Variants in AGBL4 observed in about 807,000 individuals in gnomAD.
AGBL4 encodes the protein AGBL carboxypeptidase 4.
In AGBL4, 58 loss-of-function variants were observed where a neutral mutation model predicts 66.4. The observed-to-expected ratio is 0.87, with a 90% CI of 0.71 to 1.09. The LOEUF is 1.09. Among genes scored for constraint, AGBL4 ranks in the 50% least tolerant of loss-of-function variants. AGBL4 has a pLI of 0.00. For missense variants in AGBL4, 579 were observed against 631.0 expected, an observed-to-expected ratio of 0.92 and a Z score of 0.88; for synonymous variants, 234 against 222.9, an observed-to-expected ratio of 1.05 and a Z score of -0.44.
At chr1:49,337,493 G>C (rs1645460345) in intron 3 of AGBL4, among the ~76,000 whole-genome samples, 1 of 152,176 alleles carries the variant, frequency 6.6e-6, no homozygotes, top group Admixed American at 6.5e-5. Context: ...AGGATTGTCA[G>C]TTAACAGATG....
intron 2 of AGBL4, among the ~76,000 whole-genome samples, chr1:49,848,424 G>C (rs780818938): frequency 1.3e-5 from 2 of 152,174 alleles, no homozygotes; most frequent in Non-Finnish European, 2.9e-5. Flanking sequence ...CAGCCTAAAT[G>C]TCACTCAATG....
At chr1:49,564,994 T>C (rs4926818) in intron 3 of AGBL4, among the ~76,000 whole-genome samples, 77,193 of 149,284 alleles carry the variant, frequency 0.52, 20,949 homozygotes, top group Non-Finnish European at 0.61. Flanking sequence ...GGTGCTCCTG[T>C]ATTGGGTGCA....
At chr1:49,125,922 A>T (rs1268890635) in intron 4 of AGBL4, among the ~76,000 whole-genome samples, 1 of 152,148 alleles carries the variant, frequency 6.6e-6, no homozygotes, top group African/African-American at 2.4e-5. Context: ...ATTCATTTTC[A>T]TTGGAAAACA....
chr1:48,982,845 A>G (rs1163763741), intron 5 of AGBL4, among the ~76,000 whole-genome samples: 1 of 152,094 alleles, frequency 6.6e-6, no homozygotes, highest in African/African-American at 2.4e-5. Context: ...CTATTTCTCC[A>G]TATCCTCTCC....
chr1:49,247,371 A>C (rs980781911), intron 3 of AGBL4, among the ~76,000 whole-genome samples: 1 of 152,024 alleles, frequency 6.6e-6, no homozygotes, highest in African/African-American at 2.4e-5. Context: ...GAGACCAGCC[A>C]TTTACCGCAT....
chr1:49,128,484 G>A (rs1480274163), intron 4 of AGBL4, among the ~76,000 whole-genome samples: 1 of 151,974 alleles, frequency 6.6e-6, no homozygotes, highest in East Asian at 1.9e-4. Flanking sequence ...TCAAGAATGT[G>A]CAAAATTGGT....
intron 3 of AGBL4, among the ~76,000 whole-genome samples, chr1:49,611,156 T>C (rs1216920242): frequency 6.6e-6 from 1 of 152,026 alleles, no homozygotes; most frequent in African/African-American, 2.4e-5. Context: ...AATCTCAAAC[T>C]CATTCTTTTC....
At chr1:49,895,801 AAAAG>A (rs1483411624) in intron 1 of AGBL4, among the ~76,000 whole-genome samples, 3 of 151,962 alleles carry the variant, frequency 2.0e-5, no homozygotes, top group African/African-American at 4.8e-5. Flanking sequence ...ACAGCAAGGA[AAAAG>A]AAAGGAAAAG....
At chr1:49,381,991 TATA>T (rs1644625218) in intron 3 of AGBL4, among the ~76,000 whole-genome samples, 2 of 151,600 alleles carry the variant, frequency 1.3e-5, no homozygotes, top group Non-Finnish European at 1.5e-5. Flanking sequence ...AAACTTAAAG[TATA>T]ATAATAATAA....
intron 6 of AGBL4, among the ~76,000 whole-genome samples, chr1:48,732,358 G>T (rs1370226383): frequency 6.6e-6 from 1 of 152,100 alleles, no homozygotes; most frequent in Non-Finnish European, 1.5e-5. Context: ...TACAGATTTG[G>T]GAATCATCAT....
chr1:49,715,009 C>T (rs192281947), intron 2 of AGBL4, among the ~76,000 whole-genome samples: 37 of 152,060 alleles, frequency 2.4e-4, no homozygotes, highest in Admixed American at 2.3e-3. Context: ...GATACATGTG[C>T]AGAATGTGCA....
At chr1:50,010,994 G>A (rs1661489460) in intron 1 of AGBL4, among the ~76,000 whole-genome samples, 1 of 152,072 alleles carries the variant, frequency 6.6e-6, no homozygotes. Context: ...AAAAGCATCT[G>A]CAAAGCAAAG....
intron 1 of AGBL4, among the ~76,000 whole-genome samples, chr1:49,937,936 C>T (rs569135188): frequency 8.8e-4 from 134 of 152,110 alleles, no homozygotes; most frequent in Non-Finnish European, 1.4e-3. Flanking sequence ...ATTAAAAGAA[C>T]TAGAAAAGCA....
At chr1:49,560,845 A>ATTAC (rs1644020767) in intron 3 of AGBL4, among the ~76,000 whole-genome samples, 1 of 152,116 alleles carries the variant, frequency 6.6e-6, no homozygotes, top group Non-Finnish European at 1.5e-5. Context: ...TTACCCCTGA[A>ATTAC]TAGTATATCT....
intron 1 of AGBL4, among the ~76,000 whole-genome samples, chr1:49,897,392 T>C (rs1396458649): frequency 6.6e-6 from 1 of 151,878 alleles, no homozygotes; most frequent in South Asian, 2.1e-4. Flanking sequence ...AGAATTAACC[T>C]AACCAAAGAA....
At position 48,753,274 on chromosome 1, in the gene AGBL4, G is replaced by A. The variant is rs1296388807; in HGVS notation, c.635-90033C>T. 3.9e-5 allele frequency among the ~76,000 whole-genome samples: 6 copies of A among 152,228 alleles called. No individual in the cohort carries two copies. In the East Asian group the frequency reaches 9.6e-4, roughly 24 times the overall value. On this transcript the variant is annotated intron_variant, in intron 6 of 13. Transcript: ENST00000371839. ...TATGTAGTGGGCTTTAAGATACCTA[G>A]AGGAGAAAACAGACACCTGAGAAGG...
chr1:48,768,380 C>CACAA (rs1644636781), intron 6 of AGBL4, among the ~76,000 whole-genome samples: 1 of 152,102 alleles, frequency 6.6e-6, no homozygotes, highest in Non-Finnish European at 1.5e-5. Context: ...TACTCAAAGC[C>CACAA]ACAAAGAGCT....
rs563671914 is a variant in AGBL4 at position 49,280,044 on chromosome 1, T to C, written c.283-34180A>G. On this transcript the variant is annotated intron_variant, in intron 3 of 13. Transcript: ENST00000371839. The stretch of plus-strand genomic sequence containing the variant: ...AACATTACTATTGTAGAACCTAAGA[T>C]TGGCCTTTCGAGATATCTTTTCAGG... Among the ~76,000 whole-genome samples the C allele has an allele frequency of 3.9e-5, 6 of 152,262 alleles. No homozygotes were observed. The South Asian group carries it at 1.0e-3, about 26-fold the overall frequency.
chr1:49,677,749 T>C (rs983036870), intron 3 of AGBL4, among the ~76,000 whole-genome samples: 2 of 152,118 alleles, frequency 1.3e-5, no homozygotes, highest in African/African-American at 4.8e-5. Flanking sequence ...TGATTAGCTT[T>C]AGATGAGGTC....
Sources: allele counts gnomAD v4.1 joint callset (sites outside exome capture counted in the v4.1 genomes callset), GRCh38; gene constraint gnomAD v4.1.1; transcripts MANE v1.5; gene names NCBI Gene and HGNC (gene_info 2026-07-23, HGNC 2026-07-21).